KCNC2: variants seen among roughly 807,000 people sequenced by gnomAD.
KCNC2 encodes the protein potassium voltage-gated channel subfamily C member 2.
A neutral mutation model predicts 44.5 loss-of-function variants in KCNC2; 21 were observed. That is an observed-to-expected ratio of 0.47 (90% CI 0.33 to 0.68). KCNC2 has a LOEUF of 0.68. Among genes scored for constraint, KCNC2 ranks in the 30% least tolerant of loss-of-function variants. KCNC2 has a pLI of 0.01. For missense variants in KCNC2, 589 were observed against 826.2 expected, an observed-to-expected ratio of 0.71 and a Z score of 3.52; for synonymous variants, 391 against 339.1, an observed-to-expected ratio of 1.15 and a Z score of -1.68.
chr12:75,126,277 A>T (rs1888419098), intron 2 of KCNC2, among the ~76,000 whole-genome samples: 1 of 152,220 alleles, frequency 6.6e-6, no homozygotes, highest in Admixed American at 6.5e-5. Context: ...TTGCATTTTT[A>T]AAAAGAATAA....
At chr12:75,092,429 C>G (rs1885565371) in intron 2 of KCNC2, among the ~76,000 whole-genome samples, 1 of 151,586 alleles carries the variant, frequency 6.6e-6, no homozygotes. Context: ...ATATGGCTAA[C>G]ATAAAATTAT....
chr12:75,194,306 G>A (rs1213407858), intron 2 of KCNC2, among the ~76,000 whole-genome samples: 1 of 151,306 alleles, frequency 6.6e-6, no homozygotes, highest in Non-Finnish European at 1.5e-5. Flanking sequence ...GGCGAGGCCA[G>A]GGGAAGGGGA....
rs1233393334 is a variant in KCNC2 at position 75,120,494 on chromosome 12, G to GA, written c.688-69178dup. Among the ~76,000 whole-genome samples, 31 of 152,252 alleles carry GA rather than the reference G, an allele frequency of 2.0e-4. 1 individual carries two copies. Among genetic ancestry groups the GA allele is most frequent in the African/African-American group, 3.1e-4 (13 of 41,552 alleles). On this transcript the variant is annotated intron_variant, in intron 2 of 4. Coordinates refer to ENST00000549446, the MANE Select transcript of KCNC2 (RefSeq NM_139137.4). ...GCCCAGCCAGTTCTTTATACTGCTG[G>GA]AAAAAATCCATATGCTATCTCTAAA...
chr12:75,156,706 T>A (rs369872983), intron 2 of KCNC2, among the ~76,000 whole-genome samples: 1 of 151,828 alleles, frequency 6.6e-6, no homozygotes, highest in African/African-American at 2.4e-5. Context: ...ACACAATAAA[T>A]ACTCTAATAT....
chr12:75,201,289 A>AC lies in KCNC2; in HGVS notation c.687+6007_687+6008insG, dbSNP rs1312025274. Among the ~76,000 whole-genome samples the AC allele has an allele frequency of 1.4e-3, 144 of 104,394 alleles. 3 individuals are homozygous for AC. The highest frequency in any genetic ancestry group is 2.5e-3 in the Non-Finnish European group (119 of 47,944). 68.5% of individuals were successfully genotyped at this position (104,394 alleles called of 152,430 possible). ...AAAAAAAAAAAAAAAAAAAAAAAAA[A>AC]AAAAAAAAACCAGATTCTGGTTTAC... On this transcript the variant is annotated intron_variant, in intron 2 of 4. Transcript: ENST00000549446.
intron 2 of KCNC2, among the ~76,000 whole-genome samples, chr12:75,146,662 T>C (rs1469459071): frequency 6.6e-6 from 1 of 152,226 alleles, no homozygotes; most frequent in African/African-American, 2.4e-5. Context: ...AGAAATAGAA[T>C]TGCTAAGTCA....
At chr12:75,066,847 A>G (rs1882878160) in intron 2 of KCNC2, among the ~76,000 whole-genome samples, 1 of 152,232 alleles carries the variant, frequency 6.6e-6, no homozygotes, top group South Asian at 2.1e-4. Context: ...TAGAAAAGGA[A>G]ATTTTAGATC....
chr12:75,056,967 G>C (rs1301667128), intron 2 of KCNC2, among the ~76,000 whole-genome samples: 2 of 151,874 alleles, frequency 1.3e-5, no homozygotes, highest in Non-Finnish European at 2.9e-5. Context: ...GTTATAGCTG[G>C]GTGTAAGAGT....
Position 75,042,346 on chromosome 12 carries a change from A to G in KCNC2, c.*759T>C, listed in dbSNP as rs770490313. On this transcript the variant is annotated 3_prime_UTR_variant, in exon 5 of 5. Coordinates refer to ENST00000549446, the MANE Select transcript of KCNC2 (RefSeq NM_139137.4). The stretch of plus-strand genomic sequence containing the variant: ...GAGATCTGGCCTCGGCTTGCGTGTA[A>G]CCAGTAATGACAACCTCTTTGCAGT... The G allele has an allele frequency of 1.6e-5, 26 of 1,612,132 alleles. No homozygotes were observed. In the African/African-American group the frequency reaches 3.5e-4, roughly 22 times the overall value.
chr12:75,144,621 T>G (rs1340060980), intron 2 of KCNC2, among the ~76,000 whole-genome samples: 1 of 67,248 alleles, frequency 1.5e-5, no homozygotes, highest in African/African-American at 7.9e-5. Context: ...GGTGTACTTT[T>G]GTGTGTGTGT....
intron 2 of KCNC2, among the ~76,000 whole-genome samples, chr12:75,109,585 G>T (rs1241196114): frequency 1.3e-5 from 2 of 152,170 alleles, no homozygotes; most frequent in Non-Finnish European, 2.9e-5. Context: ...CATCAGAGAA[G>T]TACCTTTGTG....
At position 75,042,415 on chromosome 12, in the gene KCNC2, G is replaced by T; in HGVS notation, c.*690C>A. ...CAGAGACATTCAGAACTCCAATACA[G>T]CATTTTTGAAGAAAAGTAAATCAAT... On this transcript the variant is annotated 3_prime_UTR_variant, in exon 5 of 5. Coordinates refer to ENST00000549446, the MANE Select transcript of KCNC2 (RefSeq NM_139137.4). The T allele has an allele frequency of 3.2e-6, 5 of 1,585,430 alleles. No homozygotes were observed. Among genetic ancestry groups the T allele is most frequent in the Non-Finnish European group, 4.3e-6 (5 of 1,166,146 alleles).
intron 2 of KCNC2, among the ~76,000 whole-genome samples, chr12:75,107,263 C>G (rs1886866475): frequency 6.6e-6 from 1 of 152,136 alleles, no homozygotes. Context: ...AAGATCACGC[C>G]ACTGCAATCC....
chr12:75,172,100 T>C (rs1260608425), intron 2 of KCNC2, among the ~76,000 whole-genome samples: 1 of 151,816 alleles, frequency 6.6e-6, no homozygotes, highest in East Asian at 1.9e-4. Flanking sequence ...ATGAAGAGAA[T>C]AAGCCTGTTT....
intron 2 of KCNC2, among the ~76,000 whole-genome samples, chr12:75,205,837 G>C (rs1374565978): frequency 6.8e-5 from 9 of 131,860 alleles, no homozygotes. Context: ...TGGTTGGTTT[G>C]GGTTTTTTTT....
At chr12:75,054,960 G>A (rs1458813638) in intron 2 of KCNC2, among the ~76,000 whole-genome samples, 1 of 152,122 alleles carries the variant, frequency 6.6e-6, no homozygotes, top group Non-Finnish European at 1.5e-5. Context: ...TATAAAGAAT[G>A]TTTTCTTTTG....
At chr12:75,138,531 C>T (rs1161249626) in intron 2 of KCNC2, among the ~76,000 whole-genome samples, 1 of 152,124 alleles carries the variant, frequency 6.6e-6, no homozygotes, top group Non-Finnish European at 1.5e-5. Flanking sequence ...GAGCAAACGT[C>T]CATATTTTAA....
chr12:75,160,109 T>C (rs1287553233), intron 2 of KCNC2, among the ~76,000 whole-genome samples: 1 of 151,860 alleles, frequency 6.6e-6, no homozygotes, highest in Non-Finnish European at 1.5e-5. Context: ...TATTTGGAGA[T>C]AGGACCTTTA....
At chr12:75,049,880 A>C (rs1880984446) in intron 3 of KCNC2, among the ~76,000 whole-genome samples, 1 of 152,114 alleles carries the variant, frequency 6.6e-6, no homozygotes, top group African/African-American at 2.4e-5. Flanking sequence ...TATCTTCCAT[A>C]TCACCTGTTT....
Sources: allele counts gnomAD v4.1 joint callset (sites outside exome capture counted in the v4.1 genomes callset), GRCh38; gene constraint gnomAD v4.1.1; transcripts MANE v1.5; gene names NCBI Gene and HGNC (gene_info 2026-07-23, HGNC 2026-07-21).